Variants in CDH23 observed in about 807,000 individuals in gnomAD.
CDH23 encodes the protein cadherin related 23, also known as cadherin-23.
A neutral mutation model predicts 317.1 loss-of-function variants in CDH23; 189 were observed. The observed-to-expected ratio is 0.60, with a 90% CI of 0.53 to 0.67. The LOEUF (loss-of-function observed/expected upper bound fraction) is 0.67, where lower values mean the gene tolerates loss of function less well. Ranked by LOEUF, CDH23 falls within the 30% of genes least tolerant of loss-of-function variation. The pLI is 0.00. For missense variants in CDH23, 4,401 were observed against 4,592.4 expected, an observed-to-expected ratio of 0.96 and a Z score of 1.20; for synonymous variants, 1,839 against 1,876.8, an observed-to-expected ratio of 0.98 and a Z score of 0.52.
At chr10:71,812,153 C>A in intron 66 of CDH23, 138 bp downstream of exon 66, 1 of 1,590,210 alleles carries the variant, frequency 6.3e-7, no homozygotes, top group Non-Finnish European at 8.6e-7. Context: ...GCCACCCTCC[C>A]TTCACCCTCC....
chr10:71,773,522 A>G, intron 38 of CDH23: 17 of 1,324,564 alleles, frequency 1.3e-5, no homozygotes, highest in Non-Finnish European at 1.8e-5. Context: ...CCCGCGACTG[A>G]GTGCGAGCGA....
At chr10:71,569,476 A>G (rs994085795) in intron 7 of CDH23, among the ~76,000 whole-genome samples, 4 of 152,230 alleles carry the variant, frequency 2.6e-5, no homozygotes, top group African/African-American at 9.6e-5. Flanking sequence ...CTTAGAAGTC[A>G]TTCACTTGAG....
chr10:71,501,624 G>T (rs1853339698), intron 3 of CDH23, among the ~76,000 whole-genome samples: 1 of 152,190 alleles, frequency 6.6e-6, no homozygotes, highest in South Asian at 2.1e-4. Context: ...CAGGACCCAG[G>T]GCATTTGAGA....
chr10:71,765,041 T>C (rs1157995711), intron 38 of CDH23, among the ~76,000 whole-genome samples: 1 of 152,180 alleles, frequency 6.6e-6, no homozygotes, highest in Non-Finnish European at 1.5e-5. Context: ...TGCAAAACTA[T>C]GGCTCTGCCG....
At chr10:71,580,669 C>G (rs147231884) in intron 9 of CDH23, among the ~76,000 whole-genome samples, 220 of 152,332 alleles carry the variant, frequency 1.4e-3, no homozygotes, top group African/African-American at 5.1e-3. Flanking sequence ...TATGTTACCA[C>G]TTGAACAACA....
At chr10:71,446,431 G>T (rs1048291491) in intron 3 of CDH23, 36 bp downstream of exon 3, 5 of 1,589,046 alleles carry the variant, frequency 3.1e-6, no homozygotes, top group African/African-American at 2.7e-5. Context: ...CGTGCAGATG[G>T]CCTGGGGTGC....
At chr10:71,715,257 T>C (rs940945455) in intron 28 of CDH23, 18 of 152,352 alleles carry the variant, frequency 1.2e-4, no homozygotes, top group African/African-American at 3.8e-4. Flanking sequence ...CCCTTCCTGA[T>C]TGATCCCAAC....
chr10:71,616,560 G>C (rs1407814048), intron 10 of CDH23, among the ~76,000 whole-genome samples: 1 of 152,182 alleles, frequency 6.6e-6, no homozygotes, highest in African/African-American at 2.4e-5. Context: ...AAAATGTGAG[G>C]GTGTGTTCTC....
At chr10:71,498,311 A>C (rs919240866) in intron 3 of CDH23, among the ~76,000 whole-genome samples, 1 of 152,136 alleles carries the variant, frequency 6.6e-6, no homozygotes, top group Non-Finnish European at 1.5e-5. Flanking sequence ...CTGTGTTCCA[A>C]GTCCTCAACC....
chr10:71,646,791 C>A (rs775762602), intron 14 of CDH23, 174 bp downstream of exon 14: 3 of 1,551,884 alleles, frequency 1.9e-6, no homozygotes, highest in South Asian at 1.2e-5. Context: ...CAGGAAGGGG[C>A]TCCCTTGACC....
chr10:71,611,896 T>C (rs1860919019), intron 9 of CDH23, among the ~76,000 whole-genome samples: 1 of 152,072 alleles, frequency 6.6e-6, no homozygotes, highest in African/African-American at 2.4e-5. Flanking sequence ...ACCTTGCGCA[T>C]AGTAGGTGCT....
chr10:71,513,558 G>A (rs1015356037), intron 6 of CDH23, among the ~76,000 whole-genome samples: 1 of 152,328 alleles, frequency 6.6e-6, no homozygotes, highest in African/African-American at 2.4e-5. Context: ...GACCCTGTTA[G>A]GTGTGAATGC....
chr10:71,404,418 A>G (rs1333778717), intron 1 of CDH23, among the ~76,000 whole-genome samples: 1 of 152,252 alleles, frequency 6.6e-6, no homozygotes, highest in African/African-American at 2.4e-5. Flanking sequence ...CTATTGCCTC[A>G]CTTTGGACCC....
At chr10:71,602,809 C>G (rs1860307141) in intron 9 of CDH23, among the ~76,000 whole-genome samples, 1 of 152,216 alleles carries the variant, frequency 6.6e-6, no homozygotes, top group African/African-American at 2.4e-5. Flanking sequence ...GATTCCTTAT[C>G]TCACTGAACC....
chr10:71,790,119 A>T (rs566836315), intron 45 of CDH23, among the ~76,000 whole-genome samples, 169 bp from the exon 46 acceptor site: 1 of 152,328 alleles, frequency 6.6e-6, no homozygotes, highest in South Asian at 2.1e-4. Context: ...ATCTGCGTTC[A>T]GTCTGCCAAG....
At chr10:71,662,152 T>G (rs1207880669) in intron 14 of CDH23, among the ~76,000 whole-genome samples, 3 of 151,574 alleles carry the variant, frequency 2.0e-5, no homozygotes, top group Non-Finnish European at 4.4e-5. Context: ...GCGGGCGGAG[T>G]GACGGAGATG....
At chr10:71,753,857 C>T (rs773944973) in intron 38 of CDH23, 42 of 456,478 alleles carry the variant, frequency 9.2e-5, no homozygotes, top group Non-Finnish European at 6.6e-5. Context: ...ATGGCTATTG[C>T]TTACAGCCGA....
chr10:71,734,691 C>A (rs1272830782), intron 34 of CDH23, 33 bp downstream of exon 34: 1 of 1,354,530 alleles, frequency 7.4e-7, no homozygotes. Flanking sequence ...TTCCCCTGTG[C>A]TGTTGGCTGT....
intron 6 of CDH23, among the ~76,000 whole-genome samples, chr10:71,519,570 C>T (rs1359518403): frequency 6.6e-6 from 1 of 152,196 alleles, no homozygotes; most frequent in Non-Finnish European, 1.5e-5. Flanking sequence ...CAGACTTCAA[C>T]TGCATTGTGA....
Sources: allele counts gnomAD v4.1 joint callset (sites outside exome capture counted in the v4.1 genomes callset), GRCh38; gene constraint gnomAD v4.1.1; transcripts MANE v1.5; gene names NCBI Gene and HGNC (gene_info 2026-07-23, HGNC 2026-07-21).